MACROD2: variants seen among roughly 807,000 people sequenced by gnomAD.
MACROD2 encodes mono-ADP ribosylhydrolase 2.
In MACROD2, 36 loss-of-function variants were observed where a neutral mutation model predicts 70.4. That is an observed-to-expected ratio of 0.51 (90% CI 0.39 to 0.68). The LOEUF (loss-of-function observed/expected upper bound fraction) is 0.68, where lower values mean the gene tolerates loss of function less well. Among genes scored for constraint, MACROD2 ranks in the 30% least tolerant of loss-of-function variants. The probability of loss-of-function intolerance (pLI) is 0.00; values close to 1 mark genes in which losing one functional copy is unlikely to be tolerated. For synonymous variants in MACROD2, 172 were observed against 178.8 expected, an observed-to-expected ratio of 0.96 and a Z score of 0.30; for missense variants, 496 against 538.4, an observed-to-expected ratio of 0.92 and a Z score of 0.78.
chr20:15,200,953 A>G (rs1371825201), intron 5 of MACROD2, among the ~76,000 whole-genome samples: 1 of 152,174 alleles, frequency 6.6e-6, no homozygotes, highest in Non-Finnish European at 1.5e-5. Context: ...ATAATTCACT[A>G]GGAAGCTCAT....
intron 5 of MACROD2, among the ~76,000 whole-genome samples, chr20:15,146,511 T>G (rs392189): frequency 0.63 from 95,697 of 152,046 alleles, 30,485 homozygotes; most frequent in African/African-American, 0.72. Context: ...TTCTAGAAAT[T>G]CAGAATTCAC....
At chr20:15,050,569 TCTTG>T (rs1261537314) in intron 5 of MACROD2, among the ~76,000 whole-genome samples, 1 of 124,400 alleles carries the variant, frequency 8.0e-6, no homozygotes, top group Non-Finnish European at 1.6e-5. Flanking sequence ...TGAGATGGAG[TCTTG>T]CTCCGTTGCC....
At chr20:15,724,643 T>G (rs1484020356) in intron 8 of MACROD2, among the ~76,000 whole-genome samples, 1 of 152,216 alleles carries the variant, frequency 6.6e-6, no homozygotes, top group Non-Finnish European at 1.5e-5. Context: ...CATTGATCTA[T>G]TTGTATATTT....
chr20:15,186,294 G>A (rs552334782), intron 5 of MACROD2, among the ~76,000 whole-genome samples: 14 of 152,164 alleles, frequency 9.2e-5, no homozygotes, highest in African/African-American at 2.9e-4. Flanking sequence ...GTCAGCAGAC[G>A]AACTAGCACC....
chr20:14,323,253 C>A (rs1330518684), intron 3 of MACROD2: 1 of 152,120 alleles, frequency 6.6e-6, no homozygotes, highest in African/African-American at 2.4e-5. Flanking sequence ...TCCCAGGATC[C>A]CCTTTTTGTG....
intron 5 of MACROD2, among the ~76,000 whole-genome samples, chr20:15,169,949 T>C (rs2076411586): frequency 6.6e-6 from 1 of 152,216 alleles, no homozygotes; most frequent in Non-Finnish European, 1.5e-5. Flanking sequence ...ATAATCTTCT[T>C]TGTTGGAATA....
intron 6 of MACROD2, among the ~76,000 whole-genome samples, chr20:15,380,425 G>T (rs1420395337): frequency 2.7e-5 from 4 of 147,676 alleles, no homozygotes; most frequent in East Asian, 2.0e-4. Flanking sequence ...CTTAGGGAAA[G>T]TTTTTTTTTT....
intron 13 of MACROD2, among the ~76,000 whole-genome samples, chr20:15,983,373 C>T (rs555107561): frequency 1.3e-5 from 2 of 152,264 alleles, no homozygotes; most frequent in South Asian, 4.1e-4. Flanking sequence ...GCACAAGTGC[C>T]ACTCTAGTTA....
chr20:15,647,273 A>G (rs974392881), intron 8 of MACROD2, among the ~76,000 whole-genome samples: 3 of 152,238 alleles, frequency 2.0e-5, no homozygotes, highest in Non-Finnish European at 4.4e-5. Context: ...GAAATTACCT[A>G]GATAGACTGG....
chr20:15,355,529 T>C (rs569546688), intron 6 of MACROD2, among the ~76,000 whole-genome samples: 1 of 152,286 alleles, frequency 6.6e-6, no homozygotes, highest in East Asian at 1.9e-4. Flanking sequence ...ATAATTTTTA[T>C]TGAGGTTTCA....
chr20:15,591,586 TAAAAAAAAAAAAAAAAAAAAA>T (rs11471295), intron 8 of MACROD2, among the ~76,000 whole-genome samples: 4 of 65,112 alleles, frequency 6.1e-5, no homozygotes, highest in Non-Finnish European at 1.0e-4. Context: ...AAGCCAGTAC[TAAAAAAAAAAAAAAAAAAAAA>T]AAAAAAAAAG....
chr20:14,190,908 C>T (rs6079345), intron 3 of MACROD2, among the ~76,000 whole-genome samples: 149,683 of 150,646 alleles, frequency 0.99, 74,371 homozygotes, highest in South Asian at 1. Flanking sequence ...AGGGTTTCAC[C>T]GTGTTAGCCA....
At chr20:14,615,305 T>G (rs1412232325) in intron 4 of MACROD2, among the ~76,000 whole-genome samples, 1 of 152,056 alleles carries the variant, frequency 6.6e-6, no homozygotes, top group East Asian at 1.9e-4. Context: ...CTTCCCCGGA[T>G]AGGGGAATAA....
At chr20:14,804,210 T>A (rs1419403004) in intron 5 of MACROD2, among the ~76,000 whole-genome samples, 1 of 152,126 alleles carries the variant, frequency 6.6e-6, no homozygotes, top group East Asian at 1.9e-4. Context: ...TTTTAATTTT[T>A]TTTTCTAGGA....
chr20:15,361,386 G>A (rs186676584), intron 6 of MACROD2, among the ~76,000 whole-genome samples: 1 of 152,258 alleles, frequency 6.6e-6, no homozygotes, highest in African/African-American at 2.4e-5. Flanking sequence ...TACATGTATG[G>A]ATCTACTTTT....
intron 5 of MACROD2, among the ~76,000 whole-genome samples, chr20:14,723,153 A>AT (rs2071489627): frequency 6.6e-6 from 1 of 152,158 alleles, no homozygotes; most frequent in South Asian, 2.1e-4. Flanking sequence ...ATTTTGTGCT[A>AT]TCTCCTTGGT....
At chr20:15,020,601 TG>T (rs1387816314) in intron 5 of MACROD2, among the ~76,000 whole-genome samples, 3 of 152,132 alleles carry the variant, frequency 2.0e-5, no homozygotes, top group African/African-American at 7.2e-5. Context: ...GTCGTCATCA[TG>T]TGAACATCGT....
At position 14,970,948 on chromosome 20, in the gene MACROD2, C is replaced by G. The variant is rs184854292; in HGVS notation, c.419-258992C>G. Reference sequence around the variant, plus strand: ...CAGTGTCTTTAAACACTCTGAATCACTCTTAGCTATGATACTTACACTATG... The same window carrying G: ...CAGTGTCTTTAAACACTCTGAATCAGTCTTAGCTATGATACTTACACTATG... On this transcript the variant is annotated intron_variant, in intron 5 of 17. Transcript: ENST00000684519. Among the ~76,000 whole-genome samples the G allele has an allele frequency of 3.8e-3, 578 of 152,302 alleles. 7 individuals carry two copies. Among genetic ancestry groups the G allele is most frequent in the African/African-American group, 0.013 (549 of 41,562 alleles).
At chr20:14,555,020 GA>G (rs1978933997) in intron 4 of MACROD2, among the ~76,000 whole-genome samples, 1 of 151,834 alleles carries the variant, frequency 6.6e-6, no homozygotes. Flanking sequence ...AAAAAAAACA[GA>G]AAGAATGAAT....
Sources: gnomAD v4.1 joint callset for allele counts (sites outside exome capture counted in the v4.1 genomes callset) on GRCh38, gnomAD v4.1.1 for gene constraint, MANE v1.5 for transcripts, NCBI Gene and HGNC (gene_info 2026-07-23, HGNC 2026-07-21) for gene names.